Variants in POFUT3 observed in about 807,000 individuals in gnomAD.
POFUT3 encodes the protein GDP-fucose protein O-fucosyltransferase 3.
the POFUT3 span, among the ~76,000 whole-genome samples, chr8:33,370,634 TGAA>T: frequency 2.0e-5 from 3 of 152,210 alleles, no homozygotes; most frequent in Non-Finnish European, 4.4e-5. Context: ...ATGGACTTGA[TGAA>T]GAACTAAGAT....
At chr8:33,372,275 A>C in the POFUT3 span, 3 of 1,065,262 alleles carry the variant, frequency 2.8e-6, no homozygotes, top group South Asian at 1.1e-4. Context: ...TTGCACAAGG[A>C]AAGTACTCAC....
At chr8:33,397,916 G>C in the POFUT3 span, among the ~76,000 whole-genome samples, 1 of 152,268 alleles carries the variant, frequency 6.6e-6, no homozygotes, top group Non-Finnish European at 1.5e-5. Flanking sequence ...AGAAGCATAG[G>C]CATTTCTAAA....
At chr8:33,361,305 C>T in the POFUT3 span, 3 of 152,238 alleles carry the variant, frequency 2.0e-5, no homozygotes, top group East Asian at 1.9e-4. Flanking sequence ...CCTCCTCTCC[C>T]GGGGAACAGG....
the POFUT3 span, among the ~76,000 whole-genome samples, chr8:33,460,430 G>GAACT: frequency 6.6e-6 from 1 of 152,176 alleles, no homozygotes; most frequent in Admixed American, 6.6e-5. Flanking sequence ...ACAGGTAGGA[G>GAACT]AACTAAGCAC....
At chr8:33,331,369 C>T in the POFUT3 span, among the ~76,000 whole-genome samples, 1 of 151,110 alleles carries the variant, frequency 6.6e-6, no homozygotes, top group Non-Finnish European at 1.5e-5. Context: ...ATGACTAAAA[C>T]TATACACTAT....
chr8:33,363,275 T>A, the POFUT3 span, among the ~76,000 whole-genome samples: 7 of 152,286 alleles, frequency 4.6e-5, no homozygotes, highest in Non-Finnish European at 8.8e-5. Flanking sequence ...AAGCAGTGTG[T>A]AGAGGGAAAT....
the POFUT3 span, among the ~76,000 whole-genome samples, chr8:33,348,349 A>C: frequency 6.6e-6 from 1 of 152,204 alleles, no homozygotes; most frequent in South Asian, 2.1e-4. Context: ...TGATGAGTGA[A>C]AATAATGAGT....
At chr8:33,386,274 A>C in the POFUT3 span, among the ~76,000 whole-genome samples, 1 of 152,048 alleles carries the variant, frequency 6.6e-6, no homozygotes, top group South Asian at 2.1e-4. Flanking sequence ...TTCAATAATA[A>C]GCACATTAGC....
chr8:33,329,825 T>C, the POFUT3 span, among the ~76,000 whole-genome samples: 2 of 152,214 alleles, frequency 1.3e-5, no homozygotes, highest in African/African-American at 4.8e-5. Flanking sequence ...TTTTAGTTAC[T>C]TTCTGTCCAA....
the POFUT3 span, among the ~76,000 whole-genome samples, chr8:33,330,608 G>A: frequency 2.2e-4 from 34 of 152,010 alleles, no homozygotes; most frequent in African/African-American, 7.5e-4. Context: ...TTAAATTCTG[G>A]CTCTACCACT....
chr8:33,380,215 CTA>C, the POFUT3 span, among the ~76,000 whole-genome samples: 103 of 35,506 alleles, frequency 2.9e-3, no homozygotes, highest in Middle Eastern at 0.031. Context: ...TATATATATA[CTA>C]TATATATATA....
At chr8:33,395,084 A>G in the POFUT3 span, among the ~76,000 whole-genome samples, 1 of 152,196 alleles carries the variant, frequency 6.6e-6, no homozygotes, top group Non-Finnish European at 1.5e-5. Flanking sequence ...ATTAGGTTTT[A>G]CAACTAGGAG....
the POFUT3 span, among the ~76,000 whole-genome samples, chr8:33,411,753 AC>A: frequency 1.3e-5 from 2 of 152,110 alleles, no homozygotes; most frequent in Non-Finnish European, 2.9e-5. Flanking sequence ...GTGCCATTGC[AC>A]CCCGGCCTGG....
chr8:33,360,043 C>A, the POFUT3 span, among the ~76,000 whole-genome samples: 2 of 150,892 alleles, frequency 1.3e-5, no homozygotes, highest in South Asian at 4.2e-4. Context: ...AAAACAACAA[C>A]AAAAAACAAA....
At chr8:33,436,934 C>T in the POFUT3 span, among the ~76,000 whole-genome samples, 1 of 152,094 alleles carries the variant, frequency 6.6e-6, no homozygotes, top group Non-Finnish European at 1.5e-5. Flanking sequence ...CTCTAGTAGT[C>T]CCCAGTGTCT....
At chr8:33,349,227 T>C in the POFUT3 span, among the ~76,000 whole-genome samples, 1 of 152,216 alleles carries the variant, frequency 6.6e-6, no homozygotes, top group Admixed American at 6.5e-5. Flanking sequence ...TGTAGCCCTT[T>C]TCCTGGGCAA....
the POFUT3 span, among the ~76,000 whole-genome samples, chr8:33,319,949 A>T: frequency 1.3e-5 from 2 of 149,844 alleles, no homozygotes; most frequent in Admixed American, 6.9e-5. Flanking sequence ...TGAATTCATG[A>T]TTCATGGAAT....
the POFUT3 span, among the ~76,000 whole-genome samples, chr8:33,318,656 TA>T: frequency 5.9e-5 from 5 of 84,610 alleles, no homozygotes; most frequent in Non-Finnish European, 8.3e-5. Flanking sequence ...TATATATATT[TA>T]TATAATATAT....
the POFUT3 span, chr8:33,388,900 G>T: frequency 7.8e-7 from 1 of 1,273,990 alleles, no homozygotes; most frequent in African/African-American, 1.5e-5. Flanking sequence ...AGGAAATGCA[G>T]GAGAGCAGAG....
Sources: gnomAD v4.1 joint callset for allele counts (sites outside exome capture counted in the v4.1 genomes callset) on GRCh38, gnomAD v4.1.1 for gene constraint, MANE v1.5 for transcripts, NCBI Gene and HGNC (gene_info 2026-07-23, HGNC 2026-07-21) for gene names.